RFX7: variants seen among roughly 807,000 people sequenced by gnomAD.
RFX7 encodes the protein DNA-binding protein RFX7.
Under a neutral mutation model 111.8 loss-of-function variants are expected in RFX7, and 26 were observed. The observed-to-expected ratio is 0.23, with a 90% CI of 0.17 to 0.32. The LOEUF is 0.32. Among genes scored for constraint, RFX7 ranks in the 10% least tolerant of loss-of-function variants. The pLI is 1.00. For missense variants in RFX7, 1,573 were observed against 1,772.9 expected (o/e 0.89, Z 2.02); for synonymous variants, 624 against 624.4 (o/e 1.00, Z 0.01).
At chr15:56,176,149 CAG>C (rs2042900512) in intron 3 of RFX7, among the ~76,000 whole-genome samples, 1 of 151,964 alleles carries the variant, frequency 6.6e-6, no homozygotes, top group Non-Finnish European at 1.5e-5. Flanking sequence ...TAAAGATAAT[CAG>C]AGAAAAAAGT....
At chr15:56,164,707 C>T (rs560333151) in intron 3 of RFX7, among the ~76,000 whole-genome samples, 8 of 152,154 alleles carry the variant, frequency 5.3e-5, no homozygotes, top group African/African-American at 1.7e-4. Context: ...ACCTCTGCCG[C>T]GATTTTTTTT....
intron 5 of RFX7, among the ~76,000 whole-genome samples, chr15:56,134,753 A>G (rs2042272478): frequency 1.3e-5 from 2 of 151,916 alleles, no homozygotes; most frequent in Middle Eastern, 6.8e-3. Flanking sequence ...ATATCTCCCA[A>G]TGCTATCCCT....
intron 2 of RFX7, among the ~76,000 whole-genome samples, chr15:56,215,830 TTCTG>T (rs1334541704): frequency 5.9e-5 from 9 of 152,306 alleles, no homozygotes; most frequent in East Asian, 3.9e-4. Context: ...GGTGGGTGGG[TTCTG>T]TCTAACAGTC....
intron 2 of RFX7, among the ~76,000 whole-genome samples, chr15:56,240,186 A>G (rs894587034): frequency 1.3e-5 from 2 of 151,958 alleles, no homozygotes; most frequent in Admixed American, 6.6e-5. Flanking sequence ...AGCATATTCA[A>G]TACTAAAGCA....
chr15:56,145,409 G>T (rs1319730163), intron 3 of RFX7, among the ~76,000 whole-genome samples: 11 of 152,068 alleles, frequency 7.2e-5, no homozygotes, highest in African/African-American at 2.7e-4. Context: ...ATATAACCAA[G>T]CCTATTCTTA....
At chr15:56,139,521 A>G (rs1170129097) in intron 5 of RFX7, among the ~76,000 whole-genome samples, 4 of 151,982 alleles carry the variant, frequency 2.6e-5, no homozygotes, top group Non-Finnish European at 4.4e-5. Flanking sequence ...ATTCTTCTAA[A>G]TGTTTTTCAA....
At chr15:56,244,394 T>G (rs1211028559), upstream of RFX7, 5 of 152,102 alleles carry the variant, frequency 3.3e-5, no homozygotes, top group Non-Finnish European at 7.3e-5. Context: ...CTGGGTTGAG[T>G]GCTCCTCGGT....
chr15:56,192,224 T>C (rs1277836351), intron 2 of RFX7: 1 of 153,216 alleles, frequency 6.5e-6, no homozygotes, highest in African/African-American at 2.4e-5. Flanking sequence ...ACAATCAAAA[T>C]GCTTATCAAA....
chr15:56,103,197 AG>A (rs1333844806), intron 6 of RFX7, among the ~76,000 whole-genome samples: 1 of 148,800 alleles, frequency 6.7e-6, no homozygotes, highest in Non-Finnish European at 1.5e-5. Context: ...GAAGAAACGA[AG>A]ATAAGCTAGC....
At chr15:56,241,928 G>A (rs748680153) in intron 2 of RFX7, among the ~76,000 whole-genome samples, 6 of 152,138 alleles carry the variant, frequency 3.9e-5, no homozygotes, top group South Asian at 2.1e-4. Flanking sequence ...GCATCATGAC[G>A]GCATGGATGC....
At chr15:56,127,768 G>T (rs531513767) in intron 5 of RFX7, among the ~76,000 whole-genome samples, 1 of 151,600 alleles carries the variant, frequency 6.6e-6, no homozygotes, top group Non-Finnish European at 1.5e-5. Context: ...GGATGGTCTC[G>T]ATCTCCTGAC....
Position 56,087,894 on chromosome 15 carries a change from T to C in RFX7, c.*5451A>G, listed in dbSNP as rs545650513. The C allele has an allele frequency of 6.6e-6, 2 of 304,802 alleles. No individual in the cohort carries two copies. Among genetic ancestry groups the C allele is most frequent in the East Asian group, 8.7e-5 (1 of 11,524 alleles). 18.9% of individuals were successfully genotyped at this position (304,802 alleles called of 1,614,324 possible). Reference sequence around the variant, plus strand: ...ATTTTAAGTGATTTAAACATAAATATGACTAGAGTATACCTGTATGAAATA... The same window carrying C: ...ATTTTAAGTGATTTAAACATAAATACGACTAGAGTATACCTGTATGAAATA... On this transcript the variant is annotated 3_prime_UTR_variant, in exon 10 of 10. Transcript: ENST00000559447.
At chr15:56,225,328 G>A (rs1305508411) in intron 2 of RFX7, among the ~76,000 whole-genome samples, 3 of 152,026 alleles carry the variant, frequency 2.0e-5, no homozygotes, top group African/African-American at 7.2e-5. Context: ...TATAAAACCG[G>A]ATTTCTCTTG....
intron 2 of RFX7, chr15:56,192,967 G>T: frequency 5.2e-6 from 1 of 190,698 alleles, no homozygotes; most frequent in East Asian, 1.2e-4. Flanking sequence ...TGTGGACTAC[G>T]GATATTGCAT....
chr15:56,117,882 G>C (rs1306349581), intron 5 of RFX7, among the ~76,000 whole-genome samples: 1 of 152,016 alleles, frequency 6.6e-6, no homozygotes, highest in African/African-American at 2.4e-5. Flanking sequence ...GGACACCTAG[G>C]TTGATTCTTT....
At chr15:56,152,267 A>T (rs2141050980) in intron 3 of RFX7, among the ~76,000 whole-genome samples, 1 of 152,326 alleles carries the variant, frequency 6.6e-6, no homozygotes, top group South Asian at 2.1e-4. Flanking sequence ...TCAGCACTTC[A>T]TCACACTTAT....
intron 2 of RFX7, among the ~76,000 whole-genome samples, chr15:56,218,682 A>C (rs1425102787): frequency 6.6e-6 from 1 of 152,222 alleles, no homozygotes; most frequent in African/African-American, 2.4e-5. Context: ...GCAACAAAGA[A>C]GGCGATAATC....
At chr15:56,190,169 G>T (rs1352787209) in intron 2 of RFX7, among the ~76,000 whole-genome samples, 3 of 152,294 alleles carry the variant, frequency 2.0e-5, no homozygotes, top group South Asian at 2.1e-4. Flanking sequence ...ATTAGAAAAA[G>T]TATCTGTCTC....
intron 2 of RFX7, among the ~76,000 whole-genome samples, chr15:56,182,726 T>G (rs1376341803): frequency 6.6e-6 from 1 of 152,150 alleles, no homozygotes; most frequent in Non-Finnish European, 1.5e-5. Context: ...ATAATAAAAT[T>G]TATTCATCTA....
Sources: gnomAD v4.1 joint callset for allele counts (sites outside exome capture counted in the v4.1 genomes callset) on GRCh38, gnomAD v4.1.1 for gene constraint, MANE v1.5 for transcripts, NCBI Gene and HGNC (gene_info 2026-07-23, HGNC 2026-07-21) for gene names.